KCNT2: variants seen among roughly 807,000 people sequenced by gnomAD.
The protein encoded by KCNT2 is potassium channel subfamily T member 2.
In KCNT2, 67 loss-of-function variants were observed where a neutral mutation model predicts 153.8. The observed-to-expected ratio is 0.44, with a 90% confidence interval of 0.36 to 0.53. The LOEUF (loss-of-function observed/expected upper bound fraction) is 0.53, where lower values mean the gene tolerates loss of function less well. Among genes scored for constraint, KCNT2 ranks in the 20% least tolerant of loss-of-function variants. The probability of loss-of-function intolerance (pLI) is 0.00; values close to 1 mark genes in which losing one functional copy is unlikely to be tolerated. For synonymous variants in KCNT2, 500 were observed against 458.8 expected (o/e 1.09, Z -1.15); for missense variants, 975 against 1,354.8 (o/e 0.72, Z 4.40).
intron 13 of KCNT2, among the ~76,000 whole-genome samples, chr1:196,386,410 G>C (rs1669991256): frequency 6.6e-6 from 1 of 152,046 alleles, no homozygotes; most frequent in Admixed American, 6.6e-5. Flanking sequence ...ATTGCAATGA[G>C]AACTGAGTTA....
At chr1:196,505,881 G>C (rs1390262538) in intron 1 of KCNT2, among the ~76,000 whole-genome samples, 1 of 152,126 alleles carries the variant, frequency 6.6e-6, no homozygotes, top group Non-Finnish European at 1.5e-5. Flanking sequence ...TTGGTTCTCT[G>C]TTTGTCTGTT....
intron 25 of KCNT2, chr1:196,273,397 T>A (rs1480755440): frequency 1.0e-6 from 1 of 1,001,220 alleles, no homozygotes; most frequent in East Asian, 2.7e-5. Flanking sequence ...TTTAATATTA[T>A]TTTTCTTTAA....
At chr1:196,321,304 A>G (rs1421376483) in intron 19 of KCNT2, among the ~76,000 whole-genome samples, 1 of 151,852 alleles carries the variant, frequency 6.6e-6, no homozygotes, top group Non-Finnish European at 1.5e-5. Context: ...AGAGTGGGGC[A>G]ACACTGGGCT....
chr1:196,310,063 A>AAG (rs1354139454), intron 21 of KCNT2, among the ~76,000 whole-genome samples: 3 of 151,802 alleles, frequency 2.0e-5, no homozygotes, highest in Non-Finnish European at 2.9e-5. Flanking sequence ...CATATATTCT[A>AAG]TTTCACAGGC....
intron 1 of KCNT2, among the ~76,000 whole-genome samples, chr1:196,511,072 C>T (rs1422859701): frequency 6.7e-6 from 1 of 150,060 alleles, no homozygotes; most frequent in African/African-American, 2.5e-5. Context: ...AAGGAAGCAC[C>T]TAAAAAAAGT....
chr1:196,349,735 T>G (rs1344713755), intron 14 of KCNT2, among the ~76,000 whole-genome samples: 2 of 151,938 alleles, frequency 1.3e-5, no homozygotes, highest in Non-Finnish European at 2.9e-5. Flanking sequence ...ACTTTAAGTT[T>G]TAGGGTACAT....
At chr1:196,421,658 T>C (rs994191789) in intron 12 of KCNT2, among the ~76,000 whole-genome samples, 9 of 152,078 alleles carry the variant, frequency 5.9e-5, no homozygotes, top group African/African-American at 2.2e-4. Flanking sequence ...AAAAATATTT[T>C]AAAAGTTTTC....
At chr1:196,413,938 T>C (rs1424924767) in intron 12 of KCNT2, among the ~76,000 whole-genome samples, 1 of 151,754 alleles carries the variant, frequency 6.6e-6, no homozygotes, top group Non-Finnish European at 1.5e-5. Flanking sequence ...AGTGTTTGCC[T>C]AGTTATTACA....
At chr1:196,246,063 A>C (rs1655415244) in intron 26 of KCNT2, among the ~76,000 whole-genome samples, 1 of 152,192 alleles carries the variant, frequency 6.6e-6, no homozygotes, top group South Asian at 2.1e-4. Flanking sequence ...AGACTGCAAA[A>C]GATCGAGAAT....
chr1:196,251,468 G>GA, intron 26 of KCNT2, among the ~76,000 whole-genome samples: 1 of 152,062 alleles, frequency 6.6e-6, no homozygotes, highest in African/African-American at 2.4e-5. Context: ...GATGGAACTG[G>GA]AGGTCATTAT....
chr1:196,340,329 G>T lies in KCNT2; in HGVS notation c.1783+12C>A. 7 of 1,402,288 alleles carry T rather than the reference G, an allele frequency of 5.0e-6. No homozygotes were observed. Among genetic ancestry groups the T allele is most frequent in the Admixed American group, 2.1e-5 (1 of 46,602 alleles). The allele number at this position is 1,402,288 out of a possible 1,614,324, so 86.9% of individuals were successfully genotyped here. On this transcript the variant is annotated intron_variant, in intron 16 of 27. Coordinates refer to ENST00000294725, the MANE Select transcript of KCNT2 (RefSeq NM_198503.5). ...AATAAATTAATGATATTTCAAATTT[G>T]TTTATACTTACCCATGCTGGCAATT...
intron 25 of KCNT2, among the ~76,000 whole-genome samples, chr1:196,267,266 T>G (rs1472011263): frequency 6.6e-6 from 1 of 152,200 alleles, no homozygotes; most frequent in African/African-American, 2.4e-5. Context: ...CAAGAAAGAA[T>G]AGACCATTGT....
At position 196,272,624 on chromosome 1, in the gene KCNT2, T is replaced by C. The variant is rs932626015; in HGVS notation, c.2910+8236A>G. ...AACCCAGCTTTGCCATCTATCAACATAGATGACTTGTTGAAACCACAGGAA... is the reference window on the plus strand; with the variant it reads ...AACCCAGCTTTGCCATCTATCAACACAGATGACTTGTTGAAACCACAGGAA... On this transcript the variant is annotated intron_variant, in intron 25 of 27. Coordinates refer to ENST00000294725, the MANE Select transcript of KCNT2 (RefSeq NM_198503.5). Among the ~76,000 whole-genome samples, 6 of 151,946 alleles carry C rather than the reference T, an allele frequency of 3.9e-5. No homozygotes were observed. The East Asian group carries it at 9.7e-4, about 25-fold the overall frequency.
At chr1:196,475,952 G>C (rs1163976748) in intron 5 of KCNT2, among the ~76,000 whole-genome samples, 2 of 152,060 alleles carry the variant, frequency 1.3e-5, no homozygotes, top group Non-Finnish European at 2.9e-5. Flanking sequence ...ATATCATCTA[G>C]CTCTGCATGC....
rs1192990023 is a variant in KCNT2, at chr1:196,607,662, CATATTTAAACCA to C, written c.95+541_95+552del. On this transcript the variant is annotated intron_variant, in intron 1 of 27. Coordinates refer to ENST00000294725, the MANE Select transcript of KCNT2 (RefSeq NM_198503.5). ...TGTCATTTTCACTAACTACCTGTTA[CATATTTAAACCA>C]ATTGTCTACTTAAAACTCCAAAATG... Among the ~76,000 whole-genome samples, 3 of 152,192 alleles carry C rather than the reference CATATTTAAACCA, an allele frequency of 2.0e-5. No individual in the cohort carries two copies. The East Asian group carries it at 5.8e-4, about 29-fold the overall frequency.
intron 12 of KCNT2, among the ~76,000 whole-genome samples, chr1:196,420,249 A>G (rs537341569): frequency 6.6e-6 from 1 of 151,832 alleles, no homozygotes; most frequent in South Asian, 2.1e-4. Context: ...TTCTTATTTT[A>G]TGTATGTACC....
intron 8 of KCNT2, among the ~76,000 whole-genome samples, chr1:196,454,346 A>AT (rs1676474561): frequency 1.3e-5 from 2 of 151,922 alleles, no homozygotes; most frequent in Non-Finnish European, 2.9e-5. Flanking sequence ...AGTATCTAAC[A>AT]GGTAGTTTTT....
At chr1:196,600,824 C>A (rs1664641499) in intron 1 of KCNT2, among the ~76,000 whole-genome samples, 1 of 152,128 alleles carries the variant, frequency 6.6e-6, no homozygotes, top group African/African-American at 2.4e-5. Context: ...AAGTTTCTGG[C>A]CTTGCTTATC....
In KCNT2 at chr1:196,517,188, G is replaced by T. The variant is rs557366943; in HGVS notation, c.96-24847C>A. ...AGTGGTCAGACGGTATTCCATGCAG[G>T]TCCCAGTACTCTCTTCTCCCTACTG... On this transcript the variant is annotated intron_variant, in intron 1 of 27. Transcript: ENST00000294725. Among the ~76,000 whole-genome samples the T allele has an allele frequency of 4.3e-4, 66 of 152,254 alleles. 1 individual carries two copies. The highest frequency in any genetic ancestry group is 7.9e-4 in the Non-Finnish European group (54 of 68,020).
Sources: gnomAD v4.1 joint callset for allele counts (sites outside exome capture counted in the v4.1 genomes callset) on GRCh38, gnomAD v4.1.1 for gene constraint, MANE v1.5 for transcripts, NCBI Gene and HGNC (gene_info 2026-07-23, HGNC 2026-07-21) for gene names.